Variants in BMPR1B observed in about 807,000 individuals in gnomAD.
The protein encoded by BMPR1B is bone morphogenetic protein receptor type-1B.
A neutral mutation model predicts 59.1 loss-of-function variants in BMPR1B; 12 were observed. The observed-to-expected ratio is 0.20, with a 90% CI of 0.13 to 0.33. The LOEUF (loss-of-function observed/expected upper bound fraction) is 0.33, where lower values mean the gene tolerates loss of function less well. BMPR1B is among the 10% of genes least tolerant of loss of function. The pLI, the probability that BMPR1B is intolerant of heterozygous loss-of-function variation, is 1.00. For synonymous variants in BMPR1B, 237 were observed against 207.3 expected, an observed-to-expected ratio of 1.14 and a Z score of -1.23; for missense variants, 550 against 610.9, an observed-to-expected ratio of 0.90 and a Z score of 1.05.
chr4:95,063,999 AG>A (rs1436727618), intron 3 of BMPR1B, among the ~76,000 whole-genome samples: 1 of 152,166 alleles, frequency 6.6e-6, no homozygotes, highest in African/African-American at 2.4e-5. Context: ...AGGTTTGGCA[AG>A]GATGTGGAGA....
At chr4:95,010,565 G>C (rs1402195857) in intron 3 of BMPR1B, among the ~76,000 whole-genome samples, 1 of 152,200 alleles carries the variant, frequency 6.6e-6, no homozygotes, top group Non-Finnish European at 1.5e-5. Flanking sequence ...CAAAGGAAAT[G>C]GAGCTGGGAG....
intron 3 of BMPR1B, among the ~76,000 whole-genome samples, chr4:95,076,716 G>A (rs1172113541): frequency 1.3e-5 from 2 of 152,042 alleles, no homozygotes; most frequent in African/African-American, 4.8e-5. Flanking sequence ...GTAGTTGGTA[G>A]GCCAGAACAT....
At position 94,884,331 on chromosome 4, in the gene BMPR1B, G is replaced by A. The variant is rs148758125; in HGVS notation, c.-113+8431G>A. 7.4e-3 allele frequency among the ~76,000 whole-genome samples: 1,127 copies of A among 152,212 alleles called. 17 individuals are homozygous for A. The highest frequency in any genetic ancestry group is 0.026 in the African/African-American group (1,076 of 41,542). ...ACTTGAGGTTAGGAGTTCGAAACCCGCCTGGCCAACATGGTGAAACCCCAT... is the reference window on the plus strand; with the variant it reads ...ACTTGAGGTTAGGAGTTCGAAACCCACCTGGCCAACATGGTGAAACCCCAT... On this transcript the variant is annotated intron_variant, in intron 2 of 12. Transcript: ENST00000515059.
At chr4:94,892,053 A>C (rs939529362) in intron 2 of BMPR1B, among the ~76,000 whole-genome samples, 1 of 152,112 alleles carries the variant, frequency 6.6e-6, no homozygotes, top group Admixed American at 6.6e-5. Context: ...CTTTTCAAAA[A>C]AACTCATGTC....
At chr4:94,943,831 A>T (rs560776281) in intron 2 of BMPR1B, among the ~76,000 whole-genome samples, 4 of 152,314 alleles carry the variant, frequency 2.6e-5, no homozygotes, top group African/African-American at 9.6e-5. Flanking sequence ...AATAATTTTA[A>T]TAGTTGTAAA....
intron 1 of BMPR1B, among the ~76,000 whole-genome samples, chr4:94,814,007 A>G (rs1723918092): frequency 6.6e-6 from 1 of 152,206 alleles, no homozygotes; most frequent in Non-Finnish European, 1.5e-5. Context: ...GGGACTGCCA[A>G]GTAGGCAGCT....
chr4:94,981,169 T>C (rs1400977407), intron 2 of BMPR1B, among the ~76,000 whole-genome samples: 1 of 151,688 alleles, frequency 6.6e-6, no homozygotes, highest in Non-Finnish European at 1.5e-5. Flanking sequence ...AAAATATTGC[T>C]TTGGGTAGGT....
rs59407857 is a variant in BMPR1B, at chr4:94,869,095, AACACACACACACACAC to A, written c.-182-6703_-182-6688del. 7.5e-3 allele frequency among the ~76,000 whole-genome samples: 1,092 copies of A among 144,644 alleles called. 1 individual carries two copies. Among genetic ancestry groups the A allele is most frequent in the Middle Eastern group, 0.018 (5 of 276 alleles). The allele number at this position is 144,644 out of a possible 152,430, so 94.9% of individuals were successfully genotyped here. ...TTGTTTGAATTAAATTTTACTATCA[AACACACACACACACAC>A]ACACACACACACACACACACACACA... On this transcript the variant is annotated intron_variant, in intron 1 of 12. Transcript: ENST00000515059.
chr4:95,000,470 C>T (rs756939893), intron 3 of BMPR1B, among the ~76,000 whole-genome samples: 43 of 151,910 alleles, frequency 2.8e-4, no homozygotes, highest in Non-Finnish European at 5.7e-4. Flanking sequence ...CACCCCACTG[C>T]ACTCCAGCCT....
chr4:95,131,608 A>G, intron 10 of BMPR1B, 96 bp downstream of exon 10: 1 of 1,383,458 alleles, frequency 7.2e-7, no homozygotes, highest in Admixed American at 1.9e-5. Context: ...GTAGAAGAGG[A>G]ATATCATTAA....
chr4:94,824,616 T>C (rs182905679), intron 1 of BMPR1B, among the ~76,000 whole-genome samples: 164 of 152,294 alleles, frequency 1.1e-3, no homozygotes, highest in African/African-American at 3.5e-3. Flanking sequence ...CTATATGACA[T>C]TTAGAGAATT....
intron 2 of BMPR1B, among the ~76,000 whole-genome samples, chr4:94,937,707 A>AACACACACACACACACACAGACACACAC (rs67140382): frequency 3.3e-5 from 5 of 151,084 alleles, no homozygotes; most frequent in South Asian, 2.1e-4. Flanking sequence ...TATATGTATA[A>AACACACACACACACACACAGACACACAC]ACACACACAC....
intron 10 of BMPR1B, 130 bp downstream of exon 10, chr4:95,131,642 C>A: frequency 9.2e-7 from 1 of 1,081,688 alleles, no homozygotes; most frequent in Non-Finnish European, 1.3e-6. Context: ...CGGGGAGAAC[C>A]ACCAAACATT....
At chr4:94,781,415 T>A (rs1578635949) in intron 1 of BMPR1B, among the ~76,000 whole-genome samples, 1 of 152,290 alleles carries the variant, frequency 6.6e-6, no homozygotes, top group East Asian at 1.9e-4. Context: ...TAATAATTTT[T>A]TATTTTTATT....
At chr4:95,018,897 A>G (rs957172384) in intron 3 of BMPR1B, among the ~76,000 whole-genome samples, 3 of 152,150 alleles carry the variant, frequency 2.0e-5, no homozygotes, top group Non-Finnish European at 4.4e-5. Context: ...CTCGGACTTC[A>G]TACTAATTAA....
intron 3 of BMPR1B, among the ~76,000 whole-genome samples, chr4:95,054,875 T>A (rs1163499446): frequency 1.3e-5 from 2 of 152,196 alleles, no homozygotes; most frequent in Non-Finnish European, 2.9e-5. Flanking sequence ...AGGCCTCATG[T>A]TCCCACATTT....
chr4:95,041,761 AATG>A (rs1356612607), intron 3 of BMPR1B, among the ~76,000 whole-genome samples: 2 of 152,190 alleles, frequency 1.3e-5, no homozygotes, highest in Non-Finnish European at 2.9e-5. Context: ...CTAAATTGGG[AATG>A]ATATTTCCTC....
In BMPR1B at chr4:95,148,817, G is replaced by C. The variant is rs761539694; in HGVS notation, c.1146G>C (p.Val382=). 1 of 1,614,052 alleles carries C rather than the reference G, an allele frequency of 6.2e-7. No individual in the cohort carries two copies. Among genetic ancestry groups the C allele is most frequent in the Non-Finnish European group, 8.5e-7 (1 of 1,179,958 alleles). Reference sequence around the variant, plus strand: ...CCAAACGCTATATGCCTCCAGAAGTGTTGGACGAGAGCTTGAACAGAAATC... The same window carrying C: ...CCAAACGCTATATGCCTCCAGAAGTCTTGGACGAGAGCTTGAACAGAAATC... ...VGTKRYMPPE[V]LDESLNRNHF... Residue 382 remains valine (V), a synonymous_variant, in exon 11 of 13, where the codon GTG becomes GTC. Transcript: ENST00000515059.
At chr4:94,887,428 AAG>A (rs1727224549) in intron 2 of BMPR1B, among the ~76,000 whole-genome samples, 1 of 147,834 alleles carries the variant, frequency 6.8e-6, no homozygotes, top group Admixed American at 6.8e-5. Context: ...AAAAAACAAG[AAG>A]CAGAAGAAAA....
Sources: allele counts gnomAD v4.1 joint callset (sites outside exome capture counted in the v4.1 genomes callset), GRCh38; gene constraint gnomAD v4.1.1; transcripts MANE v1.5; gene names NCBI Gene and HGNC (gene_info 2026-07-23, HGNC 2026-07-21).